NBEA: variants seen among roughly 807,000 people sequenced by gnomAD.
NBEA encodes the protein lysosomal-trafficking regulator 2.
Under a neutral mutation model 343.4 loss-of-function variants are expected in NBEA, and 44 were observed. The ratio of observed to expected loss-of-function variants is 0.13; its 90% CI spans 0.10 to 0.16. The LOEUF is 0.16. Ranked by LOEUF, NBEA falls within the 10% of genes least tolerant of loss-of-function variation. NBEA has a pLI of 1.00. For synonymous variants in NBEA, 1,175 were observed against 1,238.7 expected (o/e 0.95, Z 1.08); for missense variants, 2,555 against 3,631.3 (o/e 0.70, Z 7.62).
chr13:35,045,209 C>A (rs568484087), intron 3 of NBEA, 97 bp from the exon 4 acceptor site: 2 of 1,212,672 alleles, frequency 1.6e-6, no homozygotes, highest in East Asian at 2.6e-5. Context: ...ATTAATTTTT[C>A]TCTCTAGTTA....
intron 35 of NBEA, among the ~76,000 whole-genome samples, chr13:35,297,190 A>G (rs1016577409): frequency 2.6e-5 from 4 of 152,064 alleles, no homozygotes; most frequent in Admixed American, 6.6e-5. Context: ...TGAAACCAAC[A>G]TGGTTGTTCC....
chr13:34,978,419 G>T (rs2060250612), intron 1 of NBEA, among the ~76,000 whole-genome samples: 1 of 151,858 alleles, frequency 6.6e-6, no homozygotes, highest in African/African-American at 2.4e-5. Context: ...ATTTTTTCTG[G>T]ATCCGTTTAA....
intron 45 of NBEA, among the ~76,000 whole-genome samples, chr13:35,568,043 C>A (rs1407380353): frequency 6.6e-6 from 1 of 151,984 alleles, no homozygotes; most frequent in Admixed American, 6.6e-5. Flanking sequence ...TAATACTGTC[C>A]CATGTCAAAT....
intron 34 of NBEA, among the ~76,000 whole-genome samples, chr13:35,247,678 G>A (rs1445406979): frequency 6.6e-6 from 1 of 152,054 alleles, no homozygotes; most frequent in Non-Finnish European, 1.5e-5. Flanking sequence ...CCTTCAAAGG[G>A]TCTGTGGATT....
At position 35,036,776 on chromosome 13, in the gene NBEA, G is replaced by T. The variant is rs561718082; in HGVS notation, c.295-4157G>T. Among the ~76,000 whole-genome samples, 5 of 152,184 alleles carry T rather than the reference G, an allele frequency of 3.3e-5. No individual in the cohort carries two copies. In the East Asian group the frequency reaches 9.7e-4, roughly 29 times the overall value. On this transcript the variant is annotated intron_variant, in intron 1 of 58. Coordinates refer to ENST00000379939, the MANE Select transcript of NBEA (RefSeq NM_001385012.1). ...TGAAAAGTCTGCTGCCAGATGTATTGGAGCTCCTTTGTATGTTCTTGTTTC... is the reference window on the plus strand; with the variant it reads ...TGAAAAGTCTGCTGCCAGATGTATTTGAGCTCCTTTGTATGTTCTTGTTTC...
chr13:35,349,905 A>G (rs1171790261), intron 37 of NBEA, among the ~76,000 whole-genome samples: 1 of 152,112 alleles, frequency 6.6e-6, no homozygotes, highest in Non-Finnish European at 1.5e-5. Flanking sequence ...GCTGAAAAGC[A>G]TGAGACAGGA....
At chr13:35,191,299 T>C (rs769652643) in intron 30 of NBEA, among the ~76,000 whole-genome samples, 1 of 152,090 alleles carries the variant, frequency 6.6e-6, no homozygotes, top group Non-Finnish European at 1.5e-5. Context: ...TCTAAAAAGC[T>C]CAATGCACTC....
At chr13:35,377,834 A>T (rs186244035) in intron 38 of NBEA, among the ~76,000 whole-genome samples, 261 of 152,208 alleles carry the variant, frequency 1.7e-3, no homozygotes, top group Non-Finnish European at 7.9e-4. Context: ...CATTTCTCCA[A>T]TCAAAACAAA....
At chr13:35,079,008 G>A (rs955062114) in intron 10 of NBEA, among the ~76,000 whole-genome samples, 18 of 152,174 alleles carry the variant, frequency 1.2e-4, no homozygotes, top group Non-Finnish European at 1.2e-4. Flanking sequence ...GCAACAGAGC[G>A]AGATTGTGTC....
intron 1 of NBEA, among the ~76,000 whole-genome samples, chr13:35,008,763 G>A (rs2061395426): frequency 6.6e-6 from 1 of 152,138 alleles, no homozygotes. Context: ...ATACAATATG[G>A]TCTGTTGCTA....
intron 41 of NBEA, among the ~76,000 whole-genome samples, chr13:35,491,938 A>T (rs764167699): frequency 3.3e-5 from 5 of 152,030 alleles, no homozygotes; most frequent in Non-Finnish European, 7.4e-5. Context: ...TAACATAAAA[A>T]GTTCTTTGTC....
At chr13:35,582,483 G>A (rs1593285866) in intron 45 of NBEA, among the ~76,000 whole-genome samples, 1 of 151,948 alleles carries the variant, frequency 6.6e-6, no homozygotes, top group African/African-American at 2.4e-5. Context: ...AGATTTGAGA[G>A]ATAATGAAAT....
chr13:35,513,249 G>GC (rs573694984), intron 41 of NBEA, among the ~76,000 whole-genome samples: 6 of 146,416 alleles, frequency 4.1e-5, no homozygotes, highest in African/African-American at 1.5e-4. Context: ...CGATTCTCCT[G>GC]CCTCAGCCTC....
intron 34 of NBEA, among the ~76,000 whole-genome samples, chr13:35,246,616 A>C (rs971447199): frequency 6.6e-6 from 1 of 152,074 alleles, no homozygotes; most frequent in Non-Finnish European, 1.5e-5. Flanking sequence ...GTTTGTTTGC[A>C]CAGAGTCCTG....
chr13:35,222,016 T>C (rs1462047016), intron 33 of NBEA, among the ~76,000 whole-genome samples: 1 of 152,156 alleles, frequency 6.6e-6, no homozygotes, highest in South Asian at 2.1e-4. Context: ...CCAGCTTTTT[T>C]AGTTGTTCTC....
chr13:35,540,715 A>G (rs2078780501), intron 41 of NBEA, among the ~76,000 whole-genome samples: 1 of 152,206 alleles, frequency 6.6e-6, no homozygotes, highest in African/African-American at 2.4e-5. Flanking sequence ...TGCAAGTTCT[A>G]TAAGGAATAC....
intron 18 of NBEA, among the ~76,000 whole-genome samples, chr13:35,149,912 C>T (rs898883433): frequency 6.6e-6 from 1 of 152,128 alleles, no homozygotes; most frequent in Admixed American, 6.6e-5. Context: ...TGAAAAGTGA[C>T]TCAACACAAG....
intron 40 of NBEA, among the ~76,000 whole-genome samples, chr13:35,460,494 G>T (rs1044963271): frequency 1.1e-4 from 17 of 152,074 alleles, no homozygotes; most frequent in African/African-American, 3.9e-4. Context: ...ATCAGTTAAG[G>T]TGTTATAAAA....
intron 1 of NBEA, among the ~76,000 whole-genome samples, chr13:34,955,962 G>A (rs756691547): frequency 6.6e-5 from 10 of 152,280 alleles, no homozygotes; most frequent in Non-Finnish European, 1.5e-4. Context: ...GCCCAGTTAA[G>A]TTGACACCTA....
Sources: allele counts gnomAD v4.1 joint callset (sites outside exome capture counted in the v4.1 genomes callset), GRCh38; gene constraint gnomAD v4.1.1; transcripts MANE v1.5; gene names NCBI Gene and HGNC (gene_info 2026-07-23, HGNC 2026-07-21).